PFKFB3: variants seen among roughly 807,000 people sequenced by gnomAD.
The protein encoded by PFKFB3 is 6-phosphofructo-2-kinase/fructose-2,6-biphosphatase 3, also known as 6-phosphofructo-2-kinase/fructose-2,6-bisphosphatase 3.
In PFKFB3, 33 loss-of-function variants were observed where a neutral mutation model predicts 68.0. The observed-to-expected ratio is 0.49, with a 90% confidence interval of 0.37 to 0.65. The LOEUF (loss-of-function observed/expected upper bound fraction) is 0.65, where lower values mean the gene tolerates loss of function less well. Among genes scored for constraint, PFKFB3 ranks in the 30% least tolerant of loss-of-function variants. The pLI is 0.00. For synonymous variants in PFKFB3, 315 were observed against 288.2 expected (o/e 1.09, Z -0.94); for missense variants, 586 against 712.2 (o/e 0.82, Z 2.02).
intron 1 of PFKFB3, among the ~76,000 whole-genome samples, chr10:6,211,314 T>C (rs1201415905): frequency 1.3e-5 from 2 of 152,240 alleles, no homozygotes; most frequent in Non-Finnish European, 2.9e-5. Context: ...TCAATCAGCC[T>C]CTGCTTCCTT....
At chr10:6,294,262 C>T in the PFKFB3 span, 3 of 528,486 alleles carry the variant, frequency 5.7e-6, no homozygotes, top group African/African-American at 5.8e-5. Flanking sequence ...GCAGCAAAAG[C>T]AGTGTATTAA....
intron 1 of PFKFB3, among the ~76,000 whole-genome samples, chr10:6,211,773 T>G (rs1306709258): frequency 1.3e-5 from 2 of 152,204 alleles, no homozygotes; most frequent in African/African-American, 4.8e-5. Flanking sequence ...CCAGGGCTTT[T>G]AGCGTCTCCT....
At chr10:6,153,544 AAAT>A (rs1841664746) in intron 1 of PFKFB3, among the ~76,000 whole-genome samples, 1 of 152,024 alleles carries the variant, frequency 6.6e-6, no homozygotes, top group Admixed American at 6.6e-5. Context: ...GCCAAGAAGA[AAAT>A]AACTCAGGAA....
rs1460274678 is a variant in PFKFB3 at position 6,216,742 on chromosome 10, C to T, written c.403C>T (p.His135Tyr). The change falls in exon 5 of 15, where the codon CAC (histidine) becomes TAC (tyrosine). Residue 135 changes from histidine (H) to tyrosine (Y), a missense_variant. By Grantham distance (83) the His-to-Tyr change is moderately conservative (BLOSUM62 2). Transcript: ENST00000379775. ...DATNTTRERR[H>Y]MILHFAKEND... ...CACCAATACTACTAGAGAGAGGAGA[C>T]ACATGATCCTTCATTTTGCCAAAGA... is the stretch of plus-strand genomic sequence containing the variant. 1 of 1,613,560 alleles carries T rather than the reference C, an allele frequency of 6.2e-7. No homozygotes were observed. The highest frequency in any genetic ancestry group is 8.5e-7 in the Non-Finnish European group (1 of 1,179,468).
chr10:6,210,915 A>G (rs147749743), intron 1 of PFKFB3, among the ~76,000 whole-genome samples: 780 of 41,846 alleles, frequency 0.019, 301 homozygotes, highest in African/African-American at 0.032. Flanking sequence ...TCGCCGTGTT[A>G]GCCAGGATAG....
chr10:6,289,018 G>A, the PFKFB3 span, among the ~76,000 whole-genome samples: 3 of 151,396 alleles, frequency 2.0e-5, no homozygotes, highest in African/African-American at 7.3e-5. Flanking sequence ...AGAAGTGTCT[G>A]TTCATGTCCT....
rs564046102 is a variant in PFKFB3 at position 6,232,851 on chromosome 10, C to T, written c.1516-44C>T. 5.2e-6 allele frequency: 8 copies of T among 1,537,506 alleles called. No individual in the cohort carries two copies. The South Asian group carries it at 7.8e-5, about 15-fold the overall frequency. ...TTCTGCTTTAGAATTCAGCCAGCTA[C>T]AAATCCTAACTCCCTCCCCACCTCT... On this transcript the variant is annotated intron_variant, in intron 14 of 14. Transcript: ENST00000379775.
intron 14 of PFKFB3, among the ~76,000 whole-genome samples, chr10:6,242,546 A>G (rs1846162512): frequency 6.6e-6 from 1 of 151,606 alleles, no homozygotes; most frequent in Non-Finnish European, 1.5e-5. Flanking sequence ...AACCTGTGGG[A>G]TGAAACTGTT....
At chr10:6,295,215 G>C in the PFKFB3 span, among the ~76,000 whole-genome samples, 9 of 151,906 alleles carry the variant, frequency 5.9e-5, no homozygotes, top group Admixed American at 2.6e-4. Flanking sequence ...TAGGCTTGTA[G>C]ATTTTATTTT....
chr10:6,316,367 G>A, the PFKFB3 span, among the ~76,000 whole-genome samples: 1 of 152,218 alleles, frequency 6.6e-6, no homozygotes, highest in South Asian at 2.1e-4. Flanking sequence ...GACCACCAAA[G>A]ATCAATGACT....
rs762776848 is a variant in PFKFB3 at position 6,220,873 on chromosome 10, G to C, written c.831+8G>C. 1.9e-6 allele frequency: 3 copies of C among 1,608,906 alleles called. No homozygotes were observed. Among genetic ancestry groups the C allele is most frequent in the Non-Finnish European group, 2.5e-6 (3 of 1,179,766 alleles). On this transcript the variant is annotated splice_region_variant and intron_variant, in intron 8 of 14. Transcript: ENST00000379775. This position sits in a 1 kb window ranked among gnomAD's most constrained non-coding sequence, Gnocchi z 4.1. ...TCCAGCCGGGGCAAGAAGGTGCGGG[G>C]TGTGCTGCCGCATGGGCCGTTCTGG...
At chr10:6,307,261 G>A in the PFKFB3 span, among the ~76,000 whole-genome samples, 2 of 151,820 alleles carry the variant, frequency 1.3e-5, no homozygotes, top group South Asian at 2.1e-4. Context: ...AGAATCCCAT[G>A]AGCCAGTTCA....
intron 1 of PFKFB3, among the ~76,000 whole-genome samples, chr10:6,213,195 C>T (rs781552924): frequency 6.6e-6 from 1 of 152,168 alleles, no homozygotes; most frequent in Non-Finnish European, 1.5e-5. Flanking sequence ...CCTGGTCCCA[C>T]TGTGGTACAA....
rs945670822 is a variant in PFKFB3, at chr10:6,192,669, G to A, written c.17-20954G>A. Reference sequence around the variant, plus strand: ...CATTGACTCTTCCCCTCACCCGTGTGTGTGTGTGTGTGTGTGTGTGTGTGT... The same window carrying A: ...CATTGACTCTTCCCCTCACCCGTGTATGTGTGTGTGTGTGTGTGTGTGTGT... On this transcript the variant is annotated intron_variant, in intron 1 of 14. Coordinates refer to the PFKFB3 transcript ENST00000379789. Among the ~76,000 whole-genome samples the A allele has an allele frequency of 6.0e-3, 583 of 96,530 alleles. 5 individuals are homozygous for A. The highest frequency in any genetic ancestry group is 0.027 in the African/African-American group (549 of 20,646). 63.3% of individuals were successfully genotyped at this position (96,530 alleles called of 152,430 possible).
intron 1 of PFKFB3, among the ~76,000 whole-genome samples, chr10:6,176,293 AG>A (rs750746068): frequency 3.9e-4 from 59 of 151,598 alleles, no homozygotes; most frequent in East Asian, 7.7e-4. Flanking sequence ...TGGTGATGGG[AG>A]GGGGCACGGG....
the PFKFB3 span, among the ~76,000 whole-genome samples, chr10:6,301,153 A>G: frequency 6.6e-6 from 1 of 151,994 alleles, no homozygotes; most frequent in Non-Finnish European, 1.5e-5. Context: ...TTGGGGGGAG[A>G]TGTTGACTAG....
rs1296824983 is a variant in PFKFB3 at position 6,154,188 on chromosome 10, G to C, written c.16+9175G>C. 6.6e-6 allele frequency among the ~76,000 whole-genome samples: 1 copy of C among 152,100 alleles called. No homozygotes were observed. On this transcript the variant is annotated intron_variant, in intron 1 of 14. Coordinates refer to the PFKFB3 transcript ENST00000379789. The surrounding 1 kb of genome is among the most constrained non-coding windows in gnomAD (Gnocchi z 4.6). Reference sequence around the variant, plus strand: ...ATCTCCCATGGTAGGGCCTTGTTTGGCCTCTCAGCTGGAGACAGGAAGGCC... The same window carrying C: ...ATCTCCCATGGTAGGGCCTTGTTTGCCCTCTCAGCTGGAGACAGGAAGGCC...
downstream of PFKFB3, among the ~76,000 whole-genome samples, chr10:6,237,329 A>C (rs1264467847): frequency 1.3e-5 from 2 of 152,240 alleles, no homozygotes; most frequent in East Asian, 3.9e-4. Context: ...CCTGGCCCGC[A>C]GTGGGCTCTG....
chr10:6,238,530 A>G (rs9733630), downstream of PFKFB3, among the ~76,000 whole-genome samples: 103,885 of 143,778 alleles, frequency 0.72, 37,849 homozygotes, highest in Middle Eastern at 0.84. Flanking sequence ...TAGTTCTCAG[A>G]CTTATTGGGA....
Sources: allele counts gnomAD v4.1 joint callset (sites outside exome capture counted in the v4.1 genomes callset), GRCh38; gene constraint gnomAD v4.1.1; non-coding constraint Gnocchi (gnomAD v3.1); transcripts MANE v1.5; gene names NCBI Gene and HGNC (gene_info 2026-07-23, HGNC 2026-07-21).